The following TPM1 variants were observed in gnomAD, a reference collection of about 807,000 sequenced individuals.
TPM1 encodes tropomyosin 1, also known as tropomyosin alpha-1 chain.
A neutral mutation model predicts 42.9 loss-of-function variants in TPM1; 24 were observed. The ratio of observed to expected loss-of-function variants is 0.56; its 90% CI spans 0.41 to 0.79. The LOEUF (loss-of-function observed/expected upper bound fraction) is 0.79, where lower values mean the gene tolerates loss of function less well. Ranked by LOEUF, TPM1 falls within the 30% of genes least tolerant of loss-of-function variation. The probability of loss-of-function intolerance (pLI) is 0.00; values close to 1 mark genes in which losing one functional copy is unlikely to be tolerated. For synonymous variants in TPM1, 136 were observed against 130.1 expected, an observed-to-expected ratio of 1.05 and a Z score of -0.31; for missense variants, 158 against 351.8, an observed-to-expected ratio of 0.45 and a Z score of 4.41.
intron 2 of TPM1, chr15:63,044,523 C>T (rs2031979466): frequency 2.0e-6 from 1 of 510,742 alleles, no homozygotes; most frequent in Admixed American, 3.3e-5. Flanking sequence ...TCTTCACTTT[C>T]TTTCCTTTTG....
chr15:63,067,404 A>T (rs1437666102), downstream of TPM1, among the ~76,000 whole-genome samples: 1 of 152,134 alleles, frequency 6.6e-6, no homozygotes, highest in Non-Finnish European at 1.5e-5. Flanking sequence ...CCTGCTTCTG[A>T]CTATGATTCC....
At chr15:63,068,600 G>A (rs895887765), downstream of TPM1, among the ~76,000 whole-genome samples, 1 of 152,136 alleles carries the variant, frequency 6.6e-6, no homozygotes, top group Non-Finnish European at 1.5e-5. Flanking sequence ...TTAGGTCCAA[G>A]TTGTCACCAG....
At chr15:63,067,318 T>C (rs1406219662), downstream of TPM1, among the ~76,000 whole-genome samples, 3 of 152,252 alleles carry the variant, frequency 2.0e-5, no homozygotes, top group Admixed American at 6.5e-5. Flanking sequence ...AATTTTAGAA[T>C]CTGGACAATG....
chr15:63,064,545 C>T (rs946667264), intron 9 of TPM1: 47 of 1,048,510 alleles, frequency 4.5e-5, no homozygotes, highest in Non-Finnish European at 5.0e-5. Context: ...TAATCATTTT[C>T]GTTAAATATA....
At chr15:63,052,338 C>A (rs1470992009) in intron 2 of TPM1, among the ~76,000 whole-genome samples, 1 of 152,140 alleles carries the variant, frequency 6.6e-6, no homozygotes, top group Non-Finnish European at 1.5e-5. Context: ...GCCTAGCCAA[C>A]ATGGCAAAAT....
intron 9 of TPM1, chr15:63,064,915 C>T (rs1047569671): frequency 1.4e-5 from 12 of 841,508 alleles, no homozygotes; most frequent in Non-Finnish European, 1.3e-5. Context: ...TGCAGTCAGC[C>T]GAGATCGCAC....
At chr15:63,048,040 G>A (rs1269964739) in intron 2 of TPM1, 6 of 326,244 alleles carry the variant, frequency 1.8e-5, no homozygotes, top group Admixed American at 8.6e-5. Flanking sequence ...TTGGGATCAG[G>A]CCCTTTAGGG....
chr15:63,068,246 G>T (rs186209048), downstream of TPM1, among the ~76,000 whole-genome samples: 4 of 152,308 alleles, frequency 2.6e-5, no homozygotes, highest in East Asian at 7.7e-4. Context: ...CAATAAGCTG[G>T]GCATCTGATG....
Position 63,061,791 on chromosome 15 carries a change from A to G in TPM1, c.639+3A>G. The G allele has an allele frequency of 1.2e-6, 2 of 1,614,008 alleles. No individual in the cohort carries two copies. The highest frequency in any genetic ancestry group is 8.5e-7 in the Non-Finnish European group (1 of 1,179,884). Reference sequence around the variant, plus strand: ...CACTGGAGGCTCAGGCTGAGAAGGTAGGCCAGGAGGATGGTGTGGGGGAAA... The same window carrying G: ...CACTGGAGGCTCAGGCTGAGAAGGTGGGCCAGGAGGATGGTGTGGGGGAAA... On this transcript the variant is annotated splice_donor_region_variant and intron_variant, in intron 6 of 9. Transcript: ENST00000403994.
Position 63,048,650 on chromosome 15 carries a change from G to T in TPM1, c.240+4498G>T, listed in dbSNP as rs549116295. 19 of 1,538,920 alleles carry T rather than the reference G, an allele frequency of 1.2e-5. No homozygotes were observed. The highest frequency in any genetic ancestry group is 2.8e-5 in the African/African-American group (2 of 71,036). ...TGCAGGAGCAGGCGGACGCCGCTGA[G>T]GAGCGCGCGGGCACCCTGCAGCGCG... On this transcript the variant is annotated intron_variant, in intron 2 of 9. Coordinates refer to ENST00000403994, the MANE Select transcript of TPM1 (RefSeq NM_001018005.2).
chr15:63,063,747 A>G (rs2035955014), intron 8 of TPM1: 1 of 295,472 alleles, frequency 3.4e-6, no homozygotes, highest in Admixed American at 4.7e-5. Flanking sequence ...TCCCCTCACC[A>G]GGAGACAGCC....
At chr15:63,043,038 C>T in intron 1 of TPM1, 95 bp downstream of exon 1, 3 of 1,113,952 alleles carry the variant, frequency 2.7e-6, no homozygotes, top group Non-Finnish European at 4.0e-6. Context: ...CTCGGGGAGC[C>T]ACCACCCTAC....
At chr15:63,055,457 C>A (rs945024184) in intron 2 of TPM1, among the ~76,000 whole-genome samples, 4 of 152,186 alleles carry the variant, frequency 2.6e-5, no homozygotes, top group African/African-American at 9.7e-5. Context: ...ACCACAGTTT[C>A]TAACTACATT....
intron 3 of TPM1, among the ~76,000 whole-genome samples, chr15:63,057,407 A>G (rs1276606075): frequency 6.6e-6 from 1 of 152,218 alleles, no homozygotes; most frequent in Non-Finnish European, 1.5e-5. Context: ...TGTAAAGGAG[A>G]AATGTCAGGG....
chr15:63,065,061 A>G, intron 9 of TPM1: 1 of 985,364 alleles, frequency 1.0e-6, no homozygotes, highest in Non-Finnish European at 1.2e-6. Flanking sequence ...AATACCCACG[A>G]TAAATATTTA....
At chr15:63,058,405 T>C (rs28531385) in intron 3 of TPM1, among the ~76,000 whole-genome samples, 17,906 of 152,192 alleles carry the variant, frequency 0.12, 1,284 homozygotes, top group Admixed American at 0.24. Flanking sequence ...TGTATTCCAA[T>C]GCTTCATCAA....
Position 63,044,234 on chromosome 15 carries a change from AG to A in TPM1, c.240+84del, listed in dbSNP as rs936556658. The A allele has an allele frequency of 1.1e-5, 18 of 1,608,862 alleles. No homozygotes were observed. In the Admixed American group the frequency reaches 3.0e-4, roughly 27 times the overall value. On this transcript the variant is annotated intron_variant, in intron 2 of 9. Coordinates refer to ENST00000403994, the MANE Select transcript of TPM1 (RefSeq NM_001018005.2). ...TCACCACAGGGCTGGAGAGCAATGA[AG>A]GAAGTTTACCTTTTCCTGCTGGACA...
At position 63,061,646 on chromosome 15, in the gene TPM1, C is replaced by T. The variant is rs1405495170; in HGVS notation, c.564-67C>T. 3.4e-6 allele frequency: 5 copies of T among 1,468,004 alleles called. No individual in the cohort carries two copies. In the African/African-American group the frequency reaches 7.0e-5, roughly 20 times the overall value. 90.9% of individuals were successfully genotyped at this position (1,468,004 alleles called of 1,614,324 possible). ...TCAGTTTTCATTTTTTCCCATCCCT[C>T]TCCTTTTTCTCTCCTCCTTCCTTTG... On this transcript the variant is annotated intron_variant, in intron 5 of 9. Coordinates refer to ENST00000403994, the MANE Select transcript of TPM1 (RefSeq NM_001018005.2).
intron 8 of TPM1, chr15:63,062,872 AG>A: frequency 6.6e-7 from 1 of 1,514,688 alleles, no homozygotes; most frequent in East Asian, 2.5e-5. Flanking sequence ...AATGCCATCC[AG>A]CTTGACTTCA....
Sources: allele counts gnomAD v4.1 joint callset (sites outside exome capture counted in the v4.1 genomes callset), GRCh38; gene constraint gnomAD v4.1.1; transcripts MANE v1.5; gene names NCBI Gene and HGNC (gene_info 2026-07-23, HGNC 2026-07-21).